The following DCLK3 variants were observed in gnomAD, a reference collection of about 807,000 sequenced individuals.
DCLK3 encodes doublecortin like kinase 3.
In DCLK3, 30 loss-of-function variants were observed where a neutral mutation model predicts 46.4. The observed-to-expected ratio is 0.65, with a 90% CI of 0.48 to 0.88. The LOEUF (loss-of-function observed/expected upper bound fraction) is 0.88. Ranked by LOEUF, DCLK3 falls within the 40% of genes least tolerant of loss-of-function variation. The pLI, the probability that DCLK3 is intolerant of heterozygous loss-of-function variation, is 0.00. For missense variants in DCLK3, 846 were observed against 907.1 expected, an observed-to-expected ratio of 0.93 and a Z score of 0.87; for synonymous variants, 401 against 339.2, an observed-to-expected ratio of 1.18 and a Z score of -2.00.
Position 36,715,014 on chromosome 3 carries a change from C to A in DCLK3, c.*314G>T. 3.9e-6 allele frequency: 1 copy of A among 256,508 alleles called. No individual in the cohort carries two copies. The highest frequency in any genetic ancestry group is 6.0e-5 in the South Asian group (1 of 16,796). 15.9% of individuals were successfully genotyped at this position (256,508 alleles called of 1,614,324 possible). On this transcript the variant is annotated 3_prime_UTR_variant, in exon 5 of 5. Transcript: ENST00000636136. ...GGGGAGTTTAGACCCTGGTAAGCAC[C>A]ACTCCTGTAGTACAGAATAAACTTG...
chr3:36,715,099 T>A lies in DCLK3; in HGVS notation c.*229A>T. The A allele has an allele frequency of 1.9e-6, 1 of 526,082 alleles. No homozygotes were observed. Among genetic ancestry groups the A allele is most frequent in the Non-Finnish European group, 3.2e-6 (1 of 310,970 alleles). The allele number at this position is 526,082 out of a possible 1,614,324, so 32.6% of individuals were successfully genotyped here. A position where few individuals can be genotyped will look rare whatever the true frequency, so the allele number is the denominator to read the frequency against. ...CAAAATTCCTCACTGATGACAATGC[T>A]TACCCCCCAAAAATGTATTAAAGGC... On this transcript the variant is annotated 3_prime_UTR_variant, in exon 5 of 5. Transcript: ENST00000636136.
At chr3:36,748,228 G>C (rs1418747469) in intron 1 of DCLK3, among the ~76,000 whole-genome samples, 4 of 152,228 alleles carry the variant, frequency 2.6e-5, no homozygotes, top group African/African-American at 9.7e-5. Context: ...GGCATTTGCA[G>C]CTCCCAAGGA....
intron 2 of DCLK3, among the ~76,000 whole-genome samples, chr3:36,736,098 G>A (rs999164364): frequency 3.3e-5 from 5 of 152,194 alleles, no homozygotes; most frequent in African/African-American, 7.2e-5. Context: ...TAAGTTTACC[G>A]ACTCATTGTC....
At chr3:36,759,549 T>C (rs1183584395) in intron 1 of DCLK3, among the ~76,000 whole-genome samples, 2 of 152,256 alleles carry the variant, frequency 1.3e-5, no homozygotes, top group Admixed American at 6.5e-5. Flanking sequence ...GATTTGTTAC[T>C]GCAGCAAAGC....
intron 1 of DCLK3, among the ~76,000 whole-genome samples, chr3:36,742,679 A>G (rs1031531459): frequency 1.2e-4 from 18 of 152,242 alleles, no homozygotes; most frequent in African/African-American, 4.3e-4. Context: ...CTTCGGATGC[A>G]CTGATTTTTA....
chr3:36,713,412 A>C lies in DCLK3; in HGVS notation c.*1916T>G, dbSNP rs1700936793. ...AATGAAGGTTACTGGTGTCTTTATC[A>C]AAATATGTTCTAGTAGCAACTGAAT... On this transcript the variant is annotated 3_prime_UTR_variant, in exon 5 of 5. Transcript: ENST00000636136. The C allele has an allele frequency of 6.6e-6, 1 of 152,228 alleles. No individual in the cohort carries two copies. The highest frequency in any genetic ancestry group is 6.5e-5 in the Admixed American group (1 of 15,282). The allele number at this position is 152,228 out of a possible 1,614,324, so 9.4% of individuals were successfully genotyped here.
chr3:36,717,941 G>T, intron 4 of DCLK3, 69 bp downstream of exon 4: 1 of 1,586,828 alleles, frequency 6.3e-7, no homozygotes, highest in Non-Finnish European at 8.6e-7. Context: ...CACAGTGGTG[G>T]GTCCTCTACA....
intron 1 of DCLK3, among the ~76,000 whole-genome samples, chr3:36,763,786 G>A (rs1701559444): frequency 6.6e-6 from 1 of 152,182 alleles, no homozygotes; most frequent in Non-Finnish European, 1.5e-5. Context: ...GAAGCGCTTG[G>A]CATGTTGAGT....
At chr3:36,743,009 C>T (rs1701358894) in intron 1 of DCLK3, among the ~76,000 whole-genome samples, 1 of 152,156 alleles carries the variant, frequency 6.6e-6, no homozygotes, top group Non-Finnish European at 1.5e-5. Context: ...CCTTTACTTA[C>T]AAAATCAGTA....
intron 1 of DCLK3, among the ~76,000 whole-genome samples, chr3:36,743,951 C>G (rs1289620270): frequency 1.3e-5 from 2 of 152,320 alleles, no homozygotes; most frequent in South Asian, 2.1e-4. Context: ...AGCTCCCTCC[C>G]CTGAAGACCT....
chr3:36,736,169 T>G (rs1250730989), intron 2 of DCLK3, among the ~76,000 whole-genome samples: 1 of 152,230 alleles, frequency 6.6e-6, no homozygotes, highest in African/African-American at 2.4e-5. Flanking sequence ...TTTAAAGGAC[T>G]CATGATAATA....
intron 2 of DCLK3, among the ~76,000 whole-genome samples, chr3:36,724,931 T>A (rs1469071389): frequency 6.6e-6 from 1 of 151,726 alleles, no homozygotes; most frequent in Non-Finnish European, 1.5e-5. Context: ...CAGGAGTCTT[T>A]GAACAATTCC....
rs971752512 is a variant in DCLK3, at chr3:36,764,524, C to G, written c.-261G>C. 2.6e-5 allele frequency among the ~76,000 whole-genome samples: 4 copies of G among 152,142 alleles called. No homozygotes were observed. Among genetic ancestry groups the G allele is most frequent in the Non-Finnish European group, 5.9e-5 (4 of 67,996 alleles). On this transcript the variant is annotated 5_prime_UTR_variant, in exon 1 of 5. Transcript: ENST00000636136. The surrounding 1 kb of genome is among the most constrained non-coding windows in gnomAD (Gnocchi z 4.9). ...CCAGCTGCAGCCGCCCTCTCTGCGC[C>G]GGTCCCGCCATGCGCGCCGCTCCTG...
chr3:36,733,157 G>A (rs1282247979), intron 2 of DCLK3, among the ~76,000 whole-genome samples: 1 of 152,154 alleles, frequency 6.6e-6, no homozygotes, highest in African/African-American at 2.4e-5. Flanking sequence ...GCTGAGACCT[G>A]TTCCCACCAT....
At chr3:36,757,967 T>C (rs1701502688) in intron 1 of DCLK3, among the ~76,000 whole-genome samples, 1 of 152,158 alleles carries the variant, frequency 6.6e-6, no homozygotes, top group South Asian at 2.1e-4. Context: ...CCTGCCCTCA[T>C]CACATCTTAG....
chr3:36,743,100 A>G (rs1035755078), intron 1 of DCLK3, among the ~76,000 whole-genome samples: 2 of 152,118 alleles, frequency 1.3e-5, no homozygotes, highest in African/African-American at 4.8e-5. Flanking sequence ...TCACCCTCAT[A>G]CCGGTTGAGT....
chr3:36,752,760 T>C (rs1701453128), intron 1 of DCLK3, among the ~76,000 whole-genome samples: 1 of 152,210 alleles, frequency 6.6e-6, no homozygotes, highest in Admixed American at 6.5e-5. Flanking sequence ...CATATCACCA[T>C]TGATATGACA....
chr3:36,723,775 A>G (rs1356092394), intron 2 of DCLK3, among the ~76,000 whole-genome samples: 3 of 152,214 alleles, frequency 2.0e-5, no homozygotes, highest in Non-Finnish European at 4.4e-5. Flanking sequence ...CTGGATGTCC[A>G]GGCAAAAGTT....
In DCLK3 at chr3:36,738,035, T is replaced by A. The variant is rs747556122; in HGVS notation, c.1132A>T (p.Asn378Tyr). Residue 378 changes from asparagine (N) to tyrosine (Y), a missense_variant, in exon 2 of 5, where the codon AAT (asparagine) becomes TAT (tyrosine). Asn to Tyr is a moderately radical substitution (Grantham distance 143). This residue lies in a region of DCLK3 where 553 missense variants were observed against 543.0 expected (regional missense o/e 1.02). Coordinates refer to ENST00000636136, the MANE Select transcript of DCLK3 (RefSeq NM_001394672.2). ...KGDSHRSSPR[N>Y]PTQELRRPSK... is the part of the protein sequence containing the mutation. ...GGTCTCCTCAGCTCTTGAGTGGGAT[T>A]CCTGGGGCTGCTCCTGTGGCTGTCA... 5 of 1,614,104 alleles carry A rather than the reference T, an allele frequency of 3.1e-6. No individual in the cohort carries two copies. In the South Asian group the frequency reaches 5.5e-5, roughly 18 times the overall value.
Sources: gnomAD v4.1 joint callset for allele counts (sites outside exome capture counted in the v4.1 genomes callset) on GRCh38, gnomAD v4.1.1 for gene constraint, gnomAD v4.1.1 regional missense constraint, Gnocchi (gnomAD v3.1) non-coding constraint, MANE v1.5 for transcripts, NCBI Gene and HGNC (gene_info 2026-07-23, HGNC 2026-07-21) for gene names.